Variants in KIF13A observed in about 807,000 individuals in gnomAD.
KIF13A encodes the protein kinesin family member 13A, also known as kinesin-like protein KIF13A.
In KIF13A, 79 loss-of-function variants were observed where a neutral mutation model predicts 212.2. That is an observed-to-expected ratio of 0.37 (90% CI 0.31 to 0.45). The LOEUF (loss-of-function observed/expected upper bound fraction) is 0.45, where lower values mean the gene tolerates loss of function less well. Among genes scored for constraint, KIF13A ranks in the 20% least tolerant of loss-of-function variants. The pLI, the probability that KIF13A is intolerant of heterozygous loss-of-function variation, is 1.00. For synonymous variants in KIF13A, 789 were observed against 808.6 expected, an observed-to-expected ratio of 0.98 and a Z score of 0.41; for missense variants, 1,901 against 2,209.0, an observed-to-expected ratio of 0.86 and a Z score of 2.79.
At chr6:17,791,901 C>CAA (rs57423111) in intron 25 of KIF13A, among the ~76,000 whole-genome samples, 21,387 of 89,646 alleles carry the variant, frequency 0.24, 2,904 homozygotes, top group South Asian at 0.34. Flanking sequence ...GACTCTGTCT[C>CAA]AAAAAAAAAA....
intron 2 of KIF13A, among the ~76,000 whole-genome samples, chr6:17,975,145 G>A (rs1001483627): frequency 1.3e-5 from 2 of 152,020 alleles, no homozygotes; most frequent in South Asian, 2.1e-4. Flanking sequence ...GCAGTTTAAG[G>A]CCAGCCTGGC....
At chr6:17,911,697 T>TGTTA (rs1554114381) in intron 2 of KIF13A, among the ~76,000 whole-genome samples, 3 of 135,180 alleles carry the variant, frequency 2.2e-5, no homozygotes, top group Non-Finnish European at 4.6e-5. Context: ...GTTAATGGGT[T>TGTTA]AAAAAAAAAA....
Position 17,987,475 on chromosome 6 carries a change from TCGCCCGGCCG to T in KIF13A, c.-22_-13del. Reference sequence around the variant, plus strand: ...TTGGTATCCGACATGTTGGCTGCGCTCGCCCGGCCGCTCGCCGCGCCCGCTCGGCCTTAGG... The same window carrying T: ...TTGGTATCCGACATGTTGGCTGCGCTCTCGCCGCGCCCGCTCGGCCTTAGG... On this transcript the variant is annotated 5_prime_UTR_variant, in exon 1 of 39. Coordinates refer to ENST00000259711, the MANE Select transcript of KIF13A (RefSeq NM_022113.6). This position sits in a 1 kb window ranked among gnomAD's most constrained non-coding sequence, Gnocchi z 7.7. 7.9e-7 allele frequency: 1 copy of T among 1,259,712 alleles called. No individual in the cohort carries two copies. Among genetic ancestry groups the T allele is most frequent in the Non-Finnish European group, 1.0e-6 (1 of 962,826 alleles). The allele number at this position is 1,259,712 out of a possible 1,614,324, so 78.0% of individuals were successfully genotyped here. A position where few individuals can be genotyped will look rare whatever the true frequency, so the allele number is the denominator to read the frequency against.
At position 17,872,935 on chromosome 6, in the gene KIF13A, C is replaced by T. The variant is rs954785846; in HGVS notation, c.220+442G>A. Among the ~76,000 whole-genome samples, 14 of 151,806 alleles carry T rather than the reference C, an allele frequency of 9.2e-5. No individual in the cohort carries two copies. The highest frequency in any genetic ancestry group is 4.6e-4 in the Admixed American group (7 of 15,230). On this transcript the variant is annotated intron_variant, in intron 4 of 38. Transcript: ENST00000259711. This position sits in a 1 kb window ranked among gnomAD's most constrained non-coding sequence, Gnocchi z 4.7. ...ACAGATGTGAGCCACCATGCCCGGA[C>T]GAAAAATAAATTTTTAAAAAGATGA...
intron 2 of KIF13A, among the ~76,000 whole-genome samples, chr6:17,950,063 T>A (rs1461729619): frequency 6.6e-6 from 1 of 152,178 alleles, no homozygotes; most frequent in Non-Finnish European, 1.5e-5. Context: ...TGCAAGGGTC[T>A]GTTGAAAACA....
chr6:17,761,476 C>T (rs766382287), downstream of KIF13A, among the ~76,000 whole-genome samples: 10 of 152,040 alleles, frequency 6.6e-5, no homozygotes, highest in Non-Finnish European at 1.3e-4. Context: ...TTTCACCTCC[C>T]GGGTTCCAGC....
At chr6:17,870,453 G>GA (rs892372425) in intron 4 of KIF13A, among the ~76,000 whole-genome samples, 18 of 144,056 alleles carry the variant, frequency 1.2e-4, no homozygotes, top group South Asian at 4.4e-4. Flanking sequence ...TTTCTGGTTT[G>GA]AAAAAAAAAA....
Position 17,764,707 on chromosome 6 carries a change from G to A in KIF13A, c.4821C>T (p.Ala1607=), listed in dbSNP as rs189888254. 1.0e-4 allele frequency: 161 copies of A among 1,613,370 alleles called. No individual in the cohort carries two copies. The African/African-American group carries it at 2.0e-3, about 20-fold the overall frequency. ...AAGGGACCACCATGTCAGACAGGGTGGCATTGGAGGCACTGTGGGAAAAGT... is the reference window on the plus strand; with the variant it reads ...AAGGGACCACCATGTCAGACAGGGTAGCATTGGAGGCACTGTGGGAAAAGT... ...SGYFSHSASN[A]TLSDMVVPSS... Residue 1607 remains alanine (A), a synonymous_variant, in exon 39 of 39, where the codon GCC becomes GCT. Transcript: ENST00000259711. This position sits in a 1 kb window ranked among gnomAD's most constrained non-coding sequence, Gnocchi z 5.1.
In KIF13A at chr6:17,796,877, CTT is replaced by C. The variant is rs1383456998; in HGVS notation, c.2791-59_2791-58del. On this transcript the variant is annotated intron_variant, in intron 22 of 38. Coordinates refer to ENST00000259711, the MANE Select transcript of KIF13A (RefSeq NM_022113.6). ...TGCTTAAAGGAGTCTGTGAAATTTC[CTT>C]TTGACCTTTCAACTGTTATATTTAT... The C allele has an allele frequency of 3.3e-6, 4 of 1,195,846 alleles. No homozygotes were observed. The Admixed American group carries it at 1.2e-4, about 36-fold the overall frequency. The allele number at this position is 1,195,846 out of a possible 1,614,324, so 74.1% of individuals were successfully genotyped here. A position where few individuals can be genotyped will look rare whatever the true frequency, so the allele number is the denominator to read the frequency against.
chr6:17,810,131 A>G (rs1763308416), intron 17 of KIF13A, among the ~76,000 whole-genome samples: 2 of 152,184 alleles, frequency 1.3e-5, no homozygotes, highest in South Asian at 2.1e-4. Context: ...CAGTCGGCTC[A>G]GTCTCTTCTC....
At chr6:17,761,267 A>C (rs950831509), downstream of KIF13A, among the ~76,000 whole-genome samples, 1 of 152,170 alleles carries the variant, frequency 6.6e-6, no homozygotes. Context: ...TTTTGTAGAG[A>C]CAGAGTCTCG....
Position 17,855,719 on chromosome 6 carries a change from C to G in KIF13A, c.314-102G>C, listed in dbSNP as rs1393820777. On this transcript the variant is annotated intron_variant, in intron 5 of 38. Coordinates refer to ENST00000259711, the MANE Select transcript of KIF13A (RefSeq NM_022113.6). This position sits in a 1 kb window ranked among gnomAD's most constrained non-coding sequence, Gnocchi z 4.1. The stretch of plus-strand genomic sequence containing the variant: ...CCATATACTGGCCATGGTAACATAG[C>G]AGAAGAGTGGCCAACTTAGCCTCAA... The G allele has an allele frequency of 1.0e-6, 1 of 963,846 alleles. No individual in the cohort carries two copies. The highest frequency in any genetic ancestry group is 1.5e-6 in the Non-Finnish European group (1 of 657,922). 59.7% of individuals were successfully genotyped at this position (963,846 alleles called of 1,614,324 possible). A position where few individuals can be genotyped will look rare whatever the true frequency, so the allele number is the denominator to read the frequency against.
intron 16 of KIF13A, among the ~76,000 whole-genome samples, chr6:17,824,535 G>A (rs186551192): frequency 3.3e-5 from 5 of 152,018 alleles, no homozygotes; most frequent in African/African-American, 9.6e-5. Flanking sequence ...CAAGACAGGC[G>A]GATCACGAGG....
chr6:17,962,084 T>C (rs1778862647), intron 2 of KIF13A, among the ~76,000 whole-genome samples: 1 of 152,112 alleles, frequency 6.6e-6, no homozygotes, highest in Non-Finnish European at 1.5e-5. Flanking sequence ...CCCAGCACTT[T>C]AGGAGGCCAA....
intron 9 of KIF13A, among the ~76,000 whole-genome samples, chr6:17,845,639 C>A (rs1766954139): frequency 6.6e-6 from 1 of 152,202 alleles, no homozygotes; most frequent in Non-Finnish European, 1.5e-5. Flanking sequence ...GTGTTCTCAG[C>A]AAAGCTGAAG....
chr6:17,985,394 C>T (rs945394085), intron 2 of KIF13A, among the ~76,000 whole-genome samples: 8 of 152,098 alleles, frequency 5.3e-5, no homozygotes, highest in African/African-American at 9.7e-5. Context: ...ATAGATTGTA[C>T]CAAATCCCAC....
chr6:17,894,299 C>T (rs770151902), intron 3 of KIF13A, among the ~76,000 whole-genome samples: 3 of 151,870 alleles, frequency 2.0e-5, no homozygotes, highest in Admixed American at 6.6e-5. Context: ...GCCCTGCTAA[C>T]TTTTTTTATT....
intron 2 of KIF13A, among the ~76,000 whole-genome samples, chr6:17,906,595 T>C (rs1773524991): frequency 6.6e-6 from 1 of 151,790 alleles, no homozygotes; most frequent in Non-Finnish European, 1.5e-5. Context: ...ACTACAGGTG[T>C]GCACTACCAC....
chr6:17,826,572 G>C lies in KIF13A; in HGVS notation c.1533-448C>G, dbSNP rs1384256039. 6.6e-6 allele frequency among the ~76,000 whole-genome samples: 1 copy of C among 152,074 alleles called. No individual in the cohort carries two copies. Among genetic ancestry groups the C allele is most frequent in the Non-Finnish European group, 1.5e-5 (1 of 68,016 alleles). ...AATAAAATGCAAGGAAGAAGAGAGA[G>C]AGGCAGAGAGAGACAGGGATAAACA... On this transcript the variant is annotated intron_variant, in intron 14 of 38. Coordinates refer to ENST00000259711, the MANE Select transcript of KIF13A (RefSeq NM_022113.6). The surrounding 1 kb of genome is among the most constrained non-coding windows in gnomAD (Gnocchi z 4.7).
Sources: allele counts gnomAD v4.1 joint callset (sites outside exome capture counted in the v4.1 genomes callset), GRCh38; gene constraint gnomAD v4.1.1; non-coding constraint Gnocchi (gnomAD v3.1); transcripts MANE v1.5; gene names NCBI Gene and HGNC (gene_info 2026-07-23, HGNC 2026-07-21).